The following SLC35F4 variants were observed in gnomAD, a reference collection of about 807,000 sequenced individuals.
The protein encoded by SLC35F4 is solute carrier family 35 member F4.
SLC35F4 carries 24 observed loss-of-function variants against 44.2 expected under a neutral mutation model. The observed-to-expected ratio is 0.54, with a 90% CI of 0.39 to 0.76. SLC35F4 has a LOEUF of 0.76. Among genes scored for constraint, SLC35F4 ranks in the 30% least tolerant of loss-of-function variants. The pLI, the probability that SLC35F4 is intolerant of heterozygous loss-of-function variation, is 0.00. For missense variants in SLC35F4, 562 were observed against 586.1 expected (o/e 0.96, Z 0.42); for synonymous variants, 238 against 223.6 (o/e 1.06, Z -0.57).
rs71450330 is a variant in SLC35F4, at chr14:57,656,359, GTA to G, written c.104-62237_104-62236del. Among the ~76,000 whole-genome samples, 1,301 of 136,290 alleles carry G rather than the reference GTA, an allele frequency of 9.5e-3. 5 individuals are homozygous for G. Among genetic ancestry groups the G allele is most frequent in the African/African-American group, 0.013 (472 of 36,846 alleles). 89.4% of individuals were successfully genotyped at this position (136,290 alleles called of 152,430 possible). A position where few individuals can be genotyped will look rare whatever the true frequency, so the allele number is the denominator to read the frequency against. On this transcript the variant is annotated intron_variant, in intron 1 of 7. Transcript: ENST00000556826. ...GGACACACACACACATGTCCTTAGA[GTA>G]TATATATATATATATACACACACAC...
chr14:57,888,024 C>A (rs1179347900), intron 1 of SLC35F4, among the ~76,000 whole-genome samples: 1 of 152,158 alleles, frequency 6.6e-6, no homozygotes, highest in East Asian at 1.9e-4. Flanking sequence ...TAGCCGCTGG[C>A]ATCTCAGTTA....
intron 1 of SLC35F4, among the ~76,000 whole-genome samples, chr14:57,804,636 C>T (rs1333471458): frequency 6.6e-6 from 1 of 152,170 alleles, no homozygotes; most frequent in African/African-American, 2.4e-5. Context: ...GGATTAAGGA[C>T]TTAAATGTAA....
chr14:57,777,475 C>G (rs559826925), intron 1 of SLC35F4, among the ~76,000 whole-genome samples: 76 of 152,154 alleles, frequency 5.0e-4, no homozygotes, highest in African/African-American at 1.6e-3. Context: ...ATGTCTTTTG[C>G]GTGGACATGG....
intron 1 of SLC35F4, among the ~76,000 whole-genome samples, chr14:57,688,004 TC>T (rs954347846): frequency 5.9e-5 from 9 of 152,274 alleles, no homozygotes; most frequent in Admixed American, 1.3e-4. Context: ...GAGGGATAGT[TC>T]TCAATTCCAG....
At chr14:57,812,629 T>G (rs934424520) in intron 1 of SLC35F4, among the ~76,000 whole-genome samples, 1 of 152,126 alleles carries the variant, frequency 6.6e-6, no homozygotes, top group African/African-American at 2.4e-5. Context: ...GGATTTAAAT[T>G]TATGCTCTGA....
chr14:57,792,551 T>C (rs1027678745), intron 1 of SLC35F4, among the ~76,000 whole-genome samples: 2 of 152,078 alleles, frequency 1.3e-5, no homozygotes, highest in South Asian at 2.1e-4. Context: ...AAATGTGATA[T>C]ATATATGTAT....
intron 1 of SLC35F4, among the ~76,000 whole-genome samples, chr14:57,686,280 C>T (rs1335540515): frequency 1.3e-5 from 2 of 152,154 alleles, no homozygotes; most frequent in African/African-American, 2.4e-5. Context: ...CAGTTACTCA[C>T]TTACCTGGCC....
chr14:57,920,470 G>A lies in SLC35F4; in HGVS notation n.282+61443C>T, dbSNP rs1320283685. ...CCCCTGTAGTCCTAGCTATTCAGGAGGCTAAGGCAGGAAGATTGCTTGAGC... is the reference window on the plus strand; with the variant it reads ...CCCCTGTAGTCCTAGCTATTCAGGAAGCTAAGGCAGGAAGATTGCTTGAGC... On this transcript the variant is annotated intron_variant and non_coding_transcript_variant, in intron 1 of 1. Coordinates refer to the SLC35F4 transcript ENST00000556568. Among the ~76,000 whole-genome samples, 4 of 152,230 alleles carry A rather than the reference G, an allele frequency of 2.6e-5. No individual in the cohort carries two copies. In the East Asian group the frequency reaches 7.7e-4, roughly 29 times the overall value.
rs1481312325 is a variant in SLC35F4 at position 57,806,292 on chromosome 14, CA to C, written c.103+59430del. ...TGCATTTTTAAAGTACATTGCTAAC[CA>C]GAGCAATGAAATACTATAATCTCTA... On this transcript the variant is annotated intron_variant, in intron 1 of 7. Coordinates refer to ENST00000556826, the MANE Select transcript of SLC35F4 (RefSeq NM_001306087.2). Among the ~76,000 whole-genome samples the C allele has an allele frequency of 3.3e-5, 5 of 152,210 alleles. No individual in the cohort carries two copies. In the South Asian group the frequency reaches 1.0e-3, roughly 32 times the overall value.
At chr14:57,648,315 A>C (rs1232948741) in intron 1 of SLC35F4, among the ~76,000 whole-genome samples, 1 of 152,200 alleles carries the variant, frequency 6.6e-6, no homozygotes, top group African/African-American at 2.4e-5. Context: ...CTGTTCATGT[A>C]TTAACAACAG....
chr14:57,811,812 T>G (rs1193426531), intron 1 of SLC35F4, among the ~76,000 whole-genome samples: 2 of 152,014 alleles, frequency 1.3e-5, no homozygotes, highest in African/African-American at 4.8e-5. Context: ...AGACCCTGTT[T>G]TTACAAAAAA....
intron 1 of SLC35F4, among the ~76,000 whole-genome samples, chr14:57,678,695 GAA>G (rs201101026): frequency 2.2e-5 from 3 of 138,896 alleles, no homozygotes; most frequent in Admixed American, 7.1e-5. Flanking sequence ...CAAATGGAAA[GAA>G]AAAAAAAAAG....
intron 1 of SLC35F4, among the ~76,000 whole-genome samples, chr14:57,894,019 C>G (rs1888824525): frequency 6.6e-6 from 1 of 152,102 alleles, no homozygotes; most frequent in Admixed American, 6.6e-5. Flanking sequence ...AGTTAGATCA[C>G]GTCCCTGCAT....
In SLC35F4 at chr14:57,647,503, C is replaced by T. The variant is rs79126351; in HGVS notation, c.104-53379G>A. Among the ~76,000 whole-genome samples, 1,452 of 152,126 alleles carry T rather than the reference C, an allele frequency of 9.5e-3. 34 individuals are homozygous for T. Among genetic ancestry groups the T allele is most frequent in the African/African-American group, 0.032 (1,342 of 41,494 alleles). ...GCCATGTGGCCATTGTCTTGGAATG[C>T]TTGAACTGCACTGTAATTCCTGGTG... On this transcript the variant is annotated intron_variant, in intron 1 of 7. Coordinates refer to ENST00000556826, the MANE Select transcript of SLC35F4 (RefSeq NM_001306087.2).
chr14:57,610,861 T>C (rs2071453960), intron 1 of SLC35F4, among the ~76,000 whole-genome samples: 1 of 152,214 alleles, frequency 6.6e-6, no homozygotes. Flanking sequence ...AAAACAGACA[T>C]GGTTTCAGTC....
chr14:57,709,783 A>G (rs953128985), intron 1 of SLC35F4, among the ~76,000 whole-genome samples: 1 of 152,200 alleles, frequency 6.6e-6, no homozygotes, highest in Non-Finnish European at 1.5e-5. Flanking sequence ...AGAAATTTCT[A>G]AGCAGTAAAG....
At chr14:57,573,914 G>A (rs765749693) in intron 4 of SLC35F4, among the ~76,000 whole-genome samples, 11 of 152,270 alleles carry the variant, frequency 7.2e-5, no homozygotes, top group Non-Finnish European at 1.5e-4. Context: ...TGAAGCCAAG[G>A]CTAACAAAAC....
chr14:57,971,248 A>T (rs1881045737), intron 1 of SLC35F4, among the ~76,000 whole-genome samples: 1 of 152,228 alleles, frequency 6.6e-6, no homozygotes, highest in Non-Finnish European at 1.5e-5. Flanking sequence ...CTTTAATAAG[A>T]TAAACTGCAA....
chr14:57,608,642 A>G (rs2071303607), intron 1 of SLC35F4, among the ~76,000 whole-genome samples: 1 of 152,124 alleles, frequency 6.6e-6, no homozygotes, highest in Admixed American at 6.5e-5. Context: ...CAGCAGCCCT[A>G]GCAAACTCAT....
Sources: gnomAD v4.1 joint callset for allele counts (sites outside exome capture counted in the v4.1 genomes callset) on GRCh38, gnomAD v4.1.1 for gene constraint, MANE v1.5 for transcripts, NCBI Gene and HGNC (gene_info 2026-07-23, HGNC 2026-07-21) for gene names.